The following TLR8 variants were observed in gnomAD, a reference collection of about 807,000 sequenced individuals.
TLR8 encodes toll-like receptor 8.
Under a neutral mutation model 18.5 loss-of-function variants are expected in TLR8, and 5 were observed. The ratio of observed to expected loss-of-function variants is 0.27; its 90% CI spans 0.14 to 0.57. TLR8 has a LOEUF of 0.57. Among genes scored for constraint, TLR8 ranks in the 20% least tolerant of loss-of-function variants. The pLI, the probability that TLR8 is intolerant of heterozygous loss-of-function variation, is 0.92. For missense variants in TLR8, 543 were observed against 769.8 expected (o/e 0.71, Z 3.49); for synonymous variants, 299 against 300.1 (o/e 1.00, Z 0.04).
rs1366460261 is a variant in TLR8, at chrX:12,921,263, C to A, written c.2223C>A (p.Leu741=). ...CTGAAGTCAGTAGTCTGAAGCACCT[C>A]GATTTAAGTTCCAATCTGCTAAAAA... ...FLSEVSSLKH[L]DLSSNLLKTI... Residue 741 remains leucine, a synonymous_variant, in exon 2 of 2, where the codon CTC becomes CTA. Transcript: ENST00000218032. 2 of 1,211,582 alleles carry A rather than the reference C, an allele frequency of 1.7e-6. No homozygotes were observed. The highest frequency in any genetic ancestry group is 3.5e-5 in the African/African-American group (2 of 57,812).
chrX:12,920,192 A>G lies in TLR8; in HGVS notation c.1152A>G (p.Glu384=). 1 of 1,210,633 alleles carries G rather than the reference A, an allele frequency of 8.3e-7. No individual in the cohort carries two copies. The highest frequency in any genetic ancestry group is 1.1e-6 in the Non-Finnish European group (1 of 894,576). Reference sequence around the variant, plus strand: ...GTTATGTGTTCCAGGAACTCAGAGAAGATGATTTCCAGCCCCTGATGCAGC... The same window carrying G: ...GTTATGTGTTCCAGGAACTCAGAGAGGATGATTTCCAGCCCCTGATGCAGC... ...LRGYVFQELR[E]DDFQPLMQLP... The change falls in exon 2 of 2, where the codon GAA becomes GAG. Residue 384 remains glutamate (E), a synonymous_variant. Transcript: ENST00000218032.
rs2043095299 is a variant in TLR8, at chrX:12,921,525, G to T, written c.2485G>T (p.Val829Leu). 1 of 1,210,158 alleles carries T rather than the reference G, an allele frequency of 8.3e-7. No homozygotes were observed. Among genetic ancestry groups the T allele is most frequent in the Admixed American group, 2.2e-5 (1 of 45,762 alleles). Residue 829 changes from valine to leucine, a missense_variant, in exon 2 of 2, where the codon GTG becomes TTG. Val to Leu is a conservative substitution (Grantham distance 32). This residue lies in a region of TLR8 where 227 missense variants were observed against 312.9 expected (regional missense o/e 0.73). Transcript: ENST00000218032. ...LTTCVSDVTA[V>L]ILFFFTFFIT... ...AACTTGTGTTTCAGATGTCACTGCA[G>T]TGATATTATTTTTCTTCACGTTCTT...
rs376034872 is a variant in TLR8 at position 12,919,602 on chromosome X, G to A, written c.562G>A (p.Glu188Lys). The change falls in exon 2 of 2, where the codon GAG (glutamate) becomes AAG (lysine). Residue 188 changes from glutamate (E) to lysine (K), a missense_variant. By Grantham distance (56) the Glu-to-Lys change is moderately conservative. Coordinates refer to ENST00000218032, the MANE Select transcript of TLR8 (RefSeq NM_138636.5). ...GAACTGCTATTTTAACAAAGTTTGCGAGAAAACTAACATAGAAGATGGAGT... is the reference window on the plus strand; with the variant it reads ...GAACTGCTATTTTAACAAAGTTTGCAAGAAAACTAACATAGAAGATGGAGT... ...AWNCYFNKVC[E>K]KTNIEDGVFE... is the part of the protein sequence containing the mutation. 3.8e-5 allele frequency: 46 copies of A among 1,207,603 alleles called. No individual in the cohort carries two copies. In the East Asian group the frequency reaches 5.6e-4, roughly 15 times the overall value.
In TLR8 at chrX:12,915,907, G is replaced by A. The variant is rs188230755; in HGVS notation, c.4-3137G>A. On this transcript the variant is annotated intron_variant, in intron 1 of 1. Transcript: ENST00000218032. ...TTTTTTTTTTTCTTTTTGAGACGGA[G>A]TTTCACTCTTGTTGCCCAGGCTGGA... Among the ~76,000 whole-genome samples the A allele has an allele frequency of 1.3e-3, 143 of 109,195 alleles. 1 individual carries two copies. The highest frequency in any genetic ancestry group is 4.7e-3 in the African/African-American group (141 of 29,756). The allele number at this position is 109,195 out of a possible 115,157, so 94.8% of individuals were successfully genotyped here.
At position 12,920,410 on chromosome X, in the gene TLR8, C is replaced by A. The variant is rs1386321696; in HGVS notation, c.1370C>A (p.Thr457Lys). The A allele has an allele frequency of 8.3e-7, 1 of 1,208,264 alleles. No homozygotes were observed. The highest frequency in any genetic ancestry group is 1.1e-6 in the Non-Finnish European group (1 of 894,316). The stretch of plus-strand genomic sequence containing the variant: ...CGTCATATCCGGAAACGACGCTCAA[C>A]AGATTTTGAGTTTGACCCACATTCG... ...FQRHIRKRRS[T>K]DFEFDPHSNF... Residue 457 changes from threonine (T) to lysine (K), a missense_variant, in exon 2 of 2, where the codon ACA becomes AAA. This residue lies in a region of TLR8 where 185 missense variants were observed against 298.9 expected (regional missense o/e 0.62). Coordinates refer to ENST00000218032, the MANE Select transcript of TLR8 (RefSeq NM_138636.5).
chrX:12,918,911 A>T (rs1297665921), intron 1 of TLR8, 133 bp from the exon 2 acceptor site: 5 of 704,030 alleles, frequency 7.1e-6, no homozygotes, highest in South Asian at 5.9e-5. Context: ...ATCTGATGCA[A>T]TTTATTTAAT....
intron 1 of TLR8, among the ~76,000 whole-genome samples, chrX:12,908,920 T>C (rs2043002408): frequency 8.9e-6 from 1 of 111,936 alleles, no homozygotes; most frequent in Non-Finnish European, 1.9e-5. Flanking sequence ...ATCTCAGAGA[T>C]TATGAAAGAG....
At chrX:12,915,786 A>G (rs1269665354) in intron 1 of TLR8, among the ~76,000 whole-genome samples, 1 of 112,639 alleles carries the variant, frequency 8.9e-6, no homozygotes, top group Non-Finnish European at 1.9e-5. Flanking sequence ...GCCTTTGCAC[A>G]TGCTGCTCCC....
Position 12,915,097 on chromosome X carries a change from A to C in TLR8, c.4-3947A>C, listed in dbSNP as rs770522284. 2.7e-5 allele frequency among the ~76,000 whole-genome samples: 3 copies of C among 112,216 alleles called. 1 individual carries two copies. The highest frequency in any genetic ancestry group is 7.4e-4 in the South Asian group (2 of 2,696). On this transcript the variant is annotated intron_variant, in intron 1 of 1. Coordinates refer to ENST00000218032, the MANE Select transcript of TLR8 (RefSeq NM_138636.5). ...ACATGTATACATATTTCGAAACATCATGTTGTACATCATAAATGCATACAC... is the reference window on the plus strand; with the variant it reads ...ACATGTATACATATTTCGAAACATCCTGTTGTACATCATAAATGCATACAC...
At chrX:12,913,963 T>C (rs1324169225) in intron 1 of TLR8, among the ~76,000 whole-genome samples, 1 of 112,589 alleles carries the variant, frequency 8.9e-6, no homozygotes, top group Non-Finnish European at 1.9e-5. Flanking sequence ...TGTCTGTTAA[T>C]ATATTTTTTC....
chrX:12,921,263 C>T lies in TLR8; in HGVS notation c.2223C>T (p.Leu741=), dbSNP rs1366460261. 4 of 1,209,799 alleles carry T rather than the reference C, an allele frequency of 3.3e-6. No homozygotes were observed. Among genetic ancestry groups the T allele is most frequent in the Admixed American group, 4.4e-5 (2 of 45,715 alleles). Residue 741 remains leucine, a synonymous_variant, in exon 2 of 2, where the codon CTC becomes CTT. Coordinates refer to ENST00000218032, the MANE Select transcript of TLR8 (RefSeq NM_138636.5). ...CTGAAGTCAGTAGTCTGAAGCACCT[C>T]GATTTAAGTTCCAATCTGCTAAAAA... The part of the protein sequence containing the change: ...FLSEVSSLKH[L]DLSSNLLKTI...
intron 1 of TLR8, among the ~76,000 whole-genome samples, chrX:12,913,640 C>T (rs1391208112): frequency 8.9e-6 from 1 of 112,622 alleles, no homozygotes; most frequent in African/African-American, 3.2e-5. Flanking sequence ...TTGCTAACAG[C>T]CTTTGCAATG....
intron 1 of TLR8, among the ~76,000 whole-genome samples, chrX:12,918,003 A>G (rs1456532063): frequency 8.9e-6 from 1 of 112,226 alleles, no homozygotes; most frequent in African/African-American, 3.2e-5. Context: ...AAGGTACTTA[A>G]GTCTCTGAGT....
At chrX:12,918,109 T>A (rs1399533725) in intron 1 of TLR8, among the ~76,000 whole-genome samples, 3 of 112,518 alleles carry the variant, frequency 2.7e-5, no homozygotes, top group African/African-American at 9.7e-5. Context: ...TATGAAGCAC[T>A]TAGCACAATA....
Position 12,919,444 on chromosome X carries a change from A to C in TLR8, c.404A>C (p.Asn135Thr), listed in dbSNP as rs1330213469. The change falls in exon 2 of 2, where the codon AAC (asparagine) becomes ACC (threonine). Residue 135 changes from asparagine (N) to threonine (T), a missense_variant. Asn to Thr is a moderately conservative substitution (Grantham distance 65, BLOSUM62 0). Around this residue, in one of 4 missense-constraint regions of TLR8, gnomAD observed 117 missense variants for 111.0 expected, o/e 1.05. Transcript: ENST00000218032. ...CTAAGGGAGTTACTGCTTGAAGACA[A>C]CCAGTTACCCCAAATACCCTCTGGT... is the stretch of plus-strand genomic sequence containing the variant. ...KNLRELLLED[N>T]QLPQIPSGLP... 1 of 1,211,117 alleles carries C rather than the reference A, an allele frequency of 8.3e-7. No homozygotes were observed. Among genetic ancestry groups the C allele is most frequent in the Admixed American group, 2.2e-5 (1 of 45,954 alleles).
intron 1 of TLR8, among the ~76,000 whole-genome samples, 154 bp downstream of exon 1, chrX:12,906,863 G>A (rs1032732269): frequency 8.0e-5 from 9 of 112,510 alleles, no homozygotes; most frequent in African/African-American, 2.9e-4. Context: ...GTAAATGCAG[G>A]TAAAGCGGCT....
At position 12,919,375 on chromosome X, in the gene TLR8, A is replaced by G. The variant is rs1237290635; in HGVS notation, c.335A>G (p.Asn112Ser). The change falls in exon 2 of 2, where the codon AAT (asparagine) becomes AGT (serine). Residue 112 changes from asparagine (N) to serine (S), a missense_variant. By Grantham distance (46) the Asn-to-Ser change is conservative. Transcript: ENST00000218032. Reference sequence around the variant, plus strand: ...AACGGAAATCCCGGTATACAATCAAATGGCTTGAATATCACAGACGGGGCA... The same window carrying G: ...AACGGAAATCCCGGTATACAATCAAGTGGCTTGAATATCACAGACGGGGCA... Reference protein sequence around the residue: ...HQNGNPGIQSNGLNITDGAFL... With the variant: ...HQNGNPGIQSSGLNITDGAFL... 8.3e-7 allele frequency: 1 copy of G among 1,211,646 alleles called. No individual in the cohort carries two copies. The highest frequency in any genetic ancestry group is 1.1e-6 in the Non-Finnish European group (1 of 895,419).
At chrX:12,908,178 TA>T (rs1310805265) in intron 1 of TLR8, 5 of 110,781 alleles carry the variant, frequency 4.5e-5, no homozygotes, top group African/African-American at 1.6e-4. Flanking sequence ...TCGTCTCTAC[TA>T]AAAATACAAA....
Position 12,919,407 on chromosome X carries a change from A to G in TLR8, c.367A>G (p.Asn123Asp), listed in dbSNP as rs1299881696. 7.4e-6 allele frequency: 9 copies of G among 1,209,423 alleles called. No homozygotes were observed. The Admixed American group carries it at 2.0e-4, about 27-fold the overall frequency. The change falls in exon 2 of 2, where the codon AAC becomes GAC. Residue 123 changes from asparagine to aspartate, a missense_variant. By Grantham distance (23) the Asn-to-Asp change is conservative. Transcript: ENST00000218032. ...GAATATCACAGACGGGGCATTCCTC[A>G]ACCTAAAAAACCTAAGGGAGTTACT... ...GLNITDGAFL[N>D]LKNLRELLLE...
Sources: allele counts gnomAD v4.1 joint callset (sites outside exome capture counted in the v4.1 genomes callset), GRCh38; gene constraint gnomAD v4.1.1; regional missense constraint gnomAD v4.1.1; transcripts MANE v1.5; gene names NCBI Gene and HGNC (gene_info 2026-07-23, HGNC 2026-07-21).